NSMF: variants seen among roughly 807,000 people sequenced by gnomAD.
NSMF encodes the protein nasal embryonic LHRH factor.
In NSMF, 31 loss-of-function variants were observed where a neutral mutation model predicts 71.0. The observed-to-expected ratio is 0.44, with a 90% CI of 0.33 to 0.59. The LOEUF (loss-of-function observed/expected upper bound fraction) is 0.59, where lower values mean the gene tolerates loss of function less well. Ranked by LOEUF, NSMF falls within the 20% of genes least tolerant of loss-of-function variation. The probability of loss-of-function intolerance (pLI) is 0.04; values close to 1 mark genes in which losing one functional copy is unlikely to be tolerated. For missense variants in NSMF, 673 were observed against 740.5 expected (o/e 0.91, Z 1.06); for synonymous variants, 345 against 287.1 (o/e 1.20, Z -2.04).
At position 137,448,781 on chromosome 9, in the gene NSMF, G is replaced by GT. The variant is rs1012416953; in HGVS notation, c.*612dup. 1 of 160,438 alleles carries GT rather than the reference G, an allele frequency of 6.2e-6. No individual in the cohort carries two copies. Among genetic ancestry groups the GT allele is most frequent in the African/African-American group, 2.4e-5 (1 of 41,512 alleles). The allele number at this position is 160,438 out of a possible 1,614,324, so 9.9% of individuals were successfully genotyped here. The stretch of plus-strand genomic sequence containing the variant: ...AGGGATGGGGGGTGGCAAGAGGAGT[G>GT]TAAGTGAAAGCACAGACAGTCGGAG... On this transcript the variant is annotated 3_prime_UTR_variant, in exon 16 of 16. Coordinates refer to ENST00000371475, the MANE Select transcript of NSMF (RefSeq NM_001130969.3). The surrounding 1 kb of genome is among the most constrained non-coding windows in gnomAD (Gnocchi z 5.3).
Position 137,459,083 on chromosome 9 carries a change from CTGGAGGCGGCGGCGCCCATGG to C in NSMF, c.-2_19del. On this transcript the variant is annotated start_lost and 5_prime_UTR_variant, in exon 1 of 16. Coordinates refer to ENST00000371475, the MANE Select transcript of NSMF (RefSeq NM_001130969.3). ...GGCCTCGCTCCTCAGCGCCCTCCTC[CTGGAGGCGGCGGCGCCCATGG>C]TCGAGGCGGCGGCGCATCCCCCGGG... 2 of 1,225,576 alleles carry C rather than the reference CTGGAGGCGGCGGCGCCCATGG, an allele frequency of 1.6e-6. No individual in the cohort carries two copies. The highest frequency in any genetic ancestry group is 1.0e-6 in the Non-Finnish European group (1 of 977,176). The allele number at this position is 1,225,576 out of a possible 1,614,324, so 75.9% of individuals were successfully genotyped here.
At position 137,452,425 on chromosome 9, in the gene NSMF, C is replaced by G; in HGVS notation, c.1176G>C (p.Glu392Asp). 6.2e-7 allele frequency: 1 copy of G among 1,612,614 alleles called. No individual in the cohort carries two copies. Among genetic ancestry groups the G allele is most frequent in the Admixed American group, 1.7e-5 (1 of 60,010 alleles). The change falls in exon 12 of 16, where the codon GAG becomes GAC. Residue 392 changes from glutamate to aspartate, a missense_variant. This residue lies in a region of NSMF where 202 missense variants were observed against 280.8 expected (regional missense o/e 0.72). Coordinates refer to ENST00000371475, the MANE Select transcript of NSMF (RefSeq NM_001130969.3). ...ATFEDILEEI[E>D]RKLNVYHKGA... ...CCTTGTGGTAGACGTTCAGCTTCCT[C>G]TCTATCTCCTCTGTGGGAGAGCGGG...
rs73669104 is a variant in NSMF at position 137,456,297 on chromosome 9, T to G, written c.704+114A>C. The stretch of plus-strand genomic sequence containing the variant: ...GCCTGGCACAGCATAGGCACGTGGG[T>G]CTGTTCAGAAGCAGCCCCCCTGGTA... On this transcript the variant is annotated intron_variant, in intron 4 of 15. Coordinates refer to ENST00000371475, the MANE Select transcript of NSMF (RefSeq NM_001130969.3). 3,030 of 870,090 alleles carry G rather than the reference T, an allele frequency of 3.5e-3. 57 individuals carry two copies. The African/African-American group carries it at 0.038, about 11-fold the overall frequency. 53.9% of individuals were successfully genotyped at this position (870,090 alleles called of 1,614,324 possible). A position where few individuals can be genotyped will look rare whatever the true frequency, so the allele number is the denominator to read the frequency against.
rs766306138 is a variant in NSMF, at chr9:137,453,806, G to T, written c.847C>A (p.Arg283Ser). The change falls in exon 8 of 16, where the codon CGC (arginine) becomes AGC (serine). Residue 283 changes from arginine (R) to serine (S), a missense_variant. Physicochemically the swap from Arg to Ser is moderately radical, Grantham distance 110. Coordinates refer to ENST00000371475, the MANE Select transcript of NSMF (RefSeq NM_001130969.3). The surrounding 1 kb of genome is among the most constrained non-coding windows in gnomAD (Gnocchi z 4.5). ...RVKAQTFAER[R>S]ERSFSRSWSD... ...CAGGACCGGCTGAAGCTCCGCTCGC[G>T]CCGCTCAGCGAACGCTGCAGAGAGC... 1.3e-6 allele frequency: 2 copies of T among 1,593,516 alleles called. No individual in the cohort carries two copies. The highest frequency in any genetic ancestry group is 1.7e-5 in the Admixed American group (1 of 58,768).
intron 4 of NSMF, 173 bp downstream of exon 4, chr9:137,456,238 G>A: frequency 1.4e-6 from 1 of 725,840 alleles, no homozygotes; most frequent in South Asian, 1.4e-5. Flanking sequence ...AGCCATGGGA[G>A]GGGAAGAGCA....
chr9:137,455,127 CA>C, intron 6 of NSMF, 111 bp downstream of exon 6: 1 of 1,164,528 alleles, frequency 8.6e-7, no homozygotes, highest in Non-Finnish European at 1.3e-6. Flanking sequence ...AGGGCCAGGC[CA>C]GTGGTCGCCA....
rs180899583 is a variant in NSMF at position 137,457,114 on chromosome 9, T to G, written c.628+293A>C. 4.6e-5 allele frequency among the ~76,000 whole-genome samples: 7 copies of G among 152,084 alleles called. No homozygotes were observed. The East Asian group carries it at 1.4e-3, about 29-fold the overall frequency. ...CGGTGCTTCCTCCCTACATATCCCTTAAGATCCTCCCAGGCCCCCTCCTCC... is the reference window on the plus strand; with the variant it reads ...CGGTGCTTCCTCCCTACATATCCCTGAAGATCCTCCCAGGCCCCCTCCTCC... On this transcript the variant is annotated intron_variant, in intron 3 of 15. Coordinates refer to ENST00000371475, the MANE Select transcript of NSMF (RefSeq NM_001130969.3).
At position 137,457,679 on chromosome 9, in the gene NSMF, A is replaced by G; in HGVS notation, c.356T>C (p.Ile119Thr). 6.4e-7 allele frequency: 1 copy of G among 1,551,056 alleles called. No homozygotes were observed. The highest frequency in any genetic ancestry group is 8.7e-7 in the Non-Finnish European group (1 of 1,147,304). The change falls in exon 3 of 16, where the codon ATT (isoleucine) becomes ACT (threonine). Residue 119 changes from isoleucine (I) to threonine (T), a missense_variant. Coordinates refer to ENST00000371475, the MANE Select transcript of NSMF (RefSeq NM_001130969.3). Reference sequence around the variant, plus strand: ...CCGCCCCTTCACCACCGCCAGCTCAATGGCCTCCGCCTCAGGGCTGGGCAG... The same window carrying G: ...CCGCCCCTTCACCACCGCCAGCTCAGTGGCCTCCGCCTCAGGGCTGGGCAG... ...ALLPSPEAEA[I>T]ELAVVKGRRQ... is the part of the protein sequence containing the mutation.
Position 137,449,599 on chromosome 9 carries a change from C to T in NSMF, c.1495G>A (p.Gly499Arg), listed in dbSNP as rs763993945. The T allele has an allele frequency of 6.2e-7, 1 of 1,612,400 alleles. No homozygotes were observed. The highest frequency in any genetic ancestry group is 8.5e-7 in the Non-Finnish European group (1 of 1,179,728). Residue 499 changes from glycine (G) to arginine (R), a missense_variant and splice_region_variant, in exon 15 of 16, where the codon GGG (glycine) becomes AGG (arginine). By Grantham distance (125) the Gly-to-Arg change is moderately radical (BLOSUM62 -2). Coordinates refer to ENST00000371475, the MANE Select transcript of NSMF (RefSeq NM_001130969.3). ...FESPLELSAQGKQMIETYFDF... is the reference protein window; with the variant it reads ...FESPLELSAQRKQMIETYFDF... ...CTTCGGCCCAGCCTGGGTAACTCACCTTGGGCTGAGAGCTCCAGGGGTGAC... is the reference window on the plus strand; with the variant it reads ...CTTCGGCCCAGCCTGGGTAACTCACTTTGGGCTGAGAGCTCCAGGGGTGAC...
At chr9:137,454,174 C>T (rs542217214) in intron 7 of NSMF, among the ~76,000 whole-genome samples, 1 of 314 alleles carries the variant, frequency 3.2e-3, no homozygotes, top group East Asian at 0.056. Flanking sequence ...GGGCTGGGGG[C>T]GTGGCTGGGA....
chr9:137,452,858 T>C (rs1830608648), intron 9 of NSMF, 39 bp from the exon 10 acceptor site: 2 of 1,574,834 alleles, frequency 1.3e-6, no homozygotes, highest in African/African-American at 2.7e-5. Context: ...CCCAGGCCCA[T>C]CCAAAAGCCA....
In NSMF at chr9:137,453,418, C is replaced by T. The variant is rs1830647983; in HGVS notation, c.923-238G>A. On this transcript the variant is annotated intron_variant, in intron 8 of 15. Coordinates refer to ENST00000371475, the MANE Select transcript of NSMF (RefSeq NM_001130969.3). The surrounding 1 kb of genome is among the most constrained non-coding windows in gnomAD (Gnocchi z 4.5). ...GCCGGTGGAAGGCGCGTGCAGGCATCAGCTCCAGCCAAGTCCGCCGGGCGC... is the reference window on the plus strand; with the variant it reads ...GCCGGTGGAAGGCGCGTGCAGGCATTAGCTCCAGCCAAGTCCGCCGGGCGC... 5 of 621,058 alleles carry T rather than the reference C, an allele frequency of 8.1e-6. No individual in the cohort carries two copies. In the South Asian group the frequency reaches 9.8e-5, roughly 12 times the overall value. The allele number at this position is 621,058 out of a possible 1,614,324, so 38.5% of individuals were successfully genotyped here.
intron 1 of NSMF, 150 bp downstream of exon 1, chr9:137,458,882 C>A (rs1831021050): frequency 3.1e-6 from 2 of 650,140 alleles, no homozygotes; most frequent in South Asian, 4.9e-5. Context: ...GGCAGGGGAC[C>A]AGGAAGAGGG....
chr9:137,451,830 C>A (rs1409997215), intron 12 of NSMF, among the ~76,000 whole-genome samples: 1 of 41,496 alleles, frequency 2.4e-5, no homozygotes, highest in Non-Finnish European at 5.0e-5. Flanking sequence ...TCATTTCCCC[C>A]CCGCCACACG....
At chr9:137,452,704 T>C (rs777038464) in intron 10 of NSMF, 32 bp downstream of exon 10, 2 of 1,602,852 alleles carry the variant, frequency 1.2e-6, no homozygotes, top group Non-Finnish European at 1.7e-6. Flanking sequence ...CAAGAGGGCA[T>C]CTGTTGGGGG....
chr9:137,454,577 GCAC>G, intron 6 of NSMF, 134 bp from the exon 7 acceptor site: 1 of 1,547,266 alleles, frequency 6.5e-7, no homozygotes, highest in Non-Finnish European at 8.7e-7. Flanking sequence ...CTGGCTCCTG[GCAC>G]CACCTCCCAC....
rs1357107492 is a variant in NSMF at position 137,453,750 on chromosome 9, A to G, written c.903T>C (p.Thr301=). ...WSDPTPMKAD[T]SHDSRDSSDL... is the part of the protein sequence containing the mutation. The stretch of plus-strand genomic sequence containing the variant: ...ACCTACTGTCTCGGGAGTCGTGGGA[A>G]GTGTCGGCTTTCATGGGGGTGGGGT... The change falls in exon 8 of 16, where the codon ACT becomes ACC. Residue 301 remains threonine, a synonymous_variant. Coordinates refer to ENST00000371475, the MANE Select transcript of NSMF (RefSeq NM_001130969.3). The surrounding 1 kb of genome is among the most constrained non-coding windows in gnomAD (Gnocchi z 4.5). 1.2e-6 allele frequency: 2 copies of G among 1,602,154 alleles called. No individual in the cohort carries two copies. The highest frequency in any genetic ancestry group is 1.7e-6 in the Non-Finnish European group (2 of 1,178,374).
chr9:137,453,679 G>A lies in NSMF; in HGVS notation c.922+52C>T. 1 of 1,442,174 alleles carries A rather than the reference G, an allele frequency of 6.9e-7. No individual in the cohort carries two copies. Among genetic ancestry groups the A allele is most frequent in the Non-Finnish European group, 9.5e-7 (1 of 1,056,302 alleles). The allele number at this position is 1,442,174 out of a possible 1,614,324, so 89.3% of individuals were successfully genotyped here. A position where few individuals can be genotyped will look rare whatever the true frequency, so the allele number is the denominator to read the frequency against. On this transcript the variant is annotated intron_variant, in intron 8 of 15. Coordinates refer to ENST00000371475, the MANE Select transcript of NSMF (RefSeq NM_001130969.3). The surrounding 1 kb of genome is among the most constrained non-coding windows in gnomAD (Gnocchi z 4.5). ...GCAGGGGACCCCCAGCAGGGGTCTGGGGTCTAGGGGAGGCTCTGGGGAAGG... is the reference window on the plus strand; with the variant it reads ...GCAGGGGACCCCCAGCAGGGGTCTGAGGTCTAGGGGAGGCTCTGGGGAAGG...
rs905798562 is a variant in NSMF at position 137,453,306 on chromosome 9, T to C, written c.923-126A>G. The C allele has an allele frequency of 1.5e-5, 21 of 1,391,600 alleles. No homozygotes were observed. The African/African-American group carries it at 2.4e-4, about 16-fold the overall frequency. The allele number at this position is 1,391,600 out of a possible 1,614,324, so 86.2% of individuals were successfully genotyped here. On this transcript the variant is annotated intron_variant, in intron 8 of 15. Coordinates refer to ENST00000371475, the MANE Select transcript of NSMF (RefSeq NM_001130969.3). This position sits in a 1 kb window ranked among gnomAD's most constrained non-coding sequence, Gnocchi z 4.5. ...GTCCTCCAAGCAAGTGGGAGGACCA[T>C]ACAGAGGTCGCCGCCAGCCCGGCAG...
Sources: gnomAD v4.1 joint callset for allele counts (sites outside exome capture counted in the v4.1 genomes callset) on GRCh38, gnomAD v4.1.1 for gene constraint, gnomAD v4.1.1 regional missense constraint, Gnocchi (gnomAD v3.1) non-coding constraint, MANE v1.5 for transcripts, NCBI Gene and HGNC (gene_info 2026-07-23, HGNC 2026-07-21) for gene names.